The following TLDC2 variants were observed in gnomAD, a reference collection of about 807,000 sequenced individuals.
TLDC2 encodes the protein TLD domain-containing protein 2.
TLDC2 carries 23 observed loss-of-function variants against 27.9 expected under a neutral mutation model. That is an observed-to-expected ratio of 0.82 (90% CI 0.59 to 1.17). The LOEUF (loss-of-function observed/expected upper bound fraction) is 1.17. TLDC2 is among the 50% of genes most tolerant of loss of function. TLDC2 has a pLI of 0.00. For synonymous variants in TLDC2, 124 were observed against 107.4 expected, an observed-to-expected ratio of 1.16 and a Z score of -0.96; for missense variants, 286 against 273.4, an observed-to-expected ratio of 1.05 and a Z score of -0.32.
intron 1 of TLDC2, 54 bp from the exon 2 acceptor site, chr20:36,877,845 A>G (rs1989707309): frequency 6.4e-7 from 1 of 1,558,956 alleles, no homozygotes; most frequent in African/African-American, 1.4e-5. Context: ...AGGAGATGGT[A>G]GAAGCTGGGA....
intron 2 of TLDC2, among the ~76,000 whole-genome samples, chr20:36,878,585 GA>G (rs1158307720): frequency 1.3e-5 from 2 of 151,638 alleles, no homozygotes; most frequent in South Asian, 4.2e-4. Context: ...TGTCTCAAAA[GA>G]AAAAAAGGAA....
intron 6 of TLDC2, 28 bp downstream of exon 6, chr20:36,889,431 C>G (rs1990006263): frequency 6.3e-7 from 1 of 1,599,910 alleles, no homozygotes. Context: ...TGATGCCACC[C>G]AGGCCTTCCT....
intron 6 of TLDC2, chr20:36,890,504 C>T (rs993696548): frequency 6.6e-6 from 1 of 150,676 alleles, no homozygotes; most frequent in African/African-American, 2.4e-5. Flanking sequence ...CGCTCTTGAC[C>T]CCGAGGCTGG....
At position 36,877,817 on chromosome 20, in the gene TLDC2, G is replaced by A. The variant is rs543996443; in HGVS notation, c.34-82G>A. Reference sequence around the variant, plus strand: ...TGGGCAGGGAGTGATGAGGTGGCCCGAGGAGGCTCTTGGGCTCAGGAGATG... The same window carrying A: ...TGGGCAGGGAGTGATGAGGTGGCCCAAGGAGGCTCTTGGGCTCAGGAGATG... On this transcript the variant is annotated intron_variant, in intron 1 of 6. Transcript: ENST00000217320. 15 of 1,485,564 alleles carry A rather than the reference G, an allele frequency of 1.0e-5. No homozygotes were observed. In the East Asian group the frequency reaches 1.2e-4, roughly 12 times the overall value. 92.0% of individuals were successfully genotyped at this position (1,485,564 alleles called of 1,614,324 possible).
intron 3 of TLDC2, among the ~76,000 whole-genome samples, chr20:36,880,234 CA>C (rs1163131301): frequency 2.0e-5 from 3 of 151,360 alleles, no homozygotes; most frequent in Non-Finnish European, 4.4e-5. Context: ...GCTGGAATTA[CA>C]AGCACTTGCC....
Position 36,887,509 on chromosome 20 carries a change from C to T in TLDC2, c.493C>T (p.Leu165=). The change falls in exon 5 of 7, where the codon CTG becomes TTG. Residue 165 remains leucine (L), a synonymous_variant. Coordinates refer to ENST00000217320, the MANE Select transcript of TLDC2 (RefSeq NM_080628.3). ...SFFVKGDLDS[L]MMGSGSGRFG... ...CTTTGTGAAGGGAGACTTGGATTCACTGATGATGGGCAGTGGCAGGTGAGT... is the reference window on the plus strand; with the variant it reads ...CTTTGTGAAGGGAGACTTGGATTCATTGATGATGGGCAGTGGCAGGTGAGT... The T allele has an allele frequency of 6.2e-7, 1 of 1,614,188 alleles. No individual in the cohort carries two copies. The highest frequency in any genetic ancestry group is 1.3e-5 in the African/African-American group (1 of 75,054).
chr20:36,876,127 G>C (rs768307742), upstream of TLDC2: 1 of 1,613,476 alleles, frequency 6.2e-7, no homozygotes, highest in South Asian at 1.1e-5. Context: ...CCTGGGCAGG[G>C]CTGAGGATTC....
chr20:36,885,218 A>G (rs1989896724), intron 4 of TLDC2, among the ~76,000 whole-genome samples: 5 of 152,104 alleles, frequency 3.3e-5, no homozygotes, highest in Admixed American at 3.3e-4. Flanking sequence ...CTCCCACTAG[A>G]AAGTCAGTCC....
intron 3 of TLDC2, among the ~76,000 whole-genome samples, 191 bp downstream of exon 3, chr20:36,879,384 A>T (rs1485823865): frequency 6.6e-6 from 1 of 152,140 alleles, no homozygotes; most frequent in Non-Finnish European, 1.5e-5. Flanking sequence ...ACACATCTAC[A>T]TGGGGCGCCT....
At chr20:36,880,074 T>C (rs1195259629) in intron 3 of TLDC2, among the ~76,000 whole-genome samples, 6 of 36,616 alleles carry the variant, frequency 1.6e-4, no homozygotes, top group African/African-American at 3.0e-4. Context: ...TATATACATA[T>C]ATATATATAT....
chr20:36,877,245 G>A (rs1251343406), intron 1 of TLDC2, among the ~76,000 whole-genome samples: 1 of 152,002 alleles, frequency 6.6e-6, no homozygotes, highest in Non-Finnish European at 1.5e-5. Flanking sequence ...GCCAGGCATG[G>A]TGGTGGGCAC....
chr20:36,890,396 C>CTCTTTCTTTCTTTCTTTCTTTCTTT (rs1990036131), intron 6 of TLDC2: 1 of 142,450 alleles, frequency 7.0e-6, no homozygotes, highest in African/African-American at 2.6e-5. Flanking sequence ...ATATTTCTTT[C>CTCTTTCTTTCTTTCTTTCTTTCTTT]TCTTTCTTTC....
intron 5 of TLDC2, 89 bp downstream of exon 5, chr20:36,887,617 T>A (rs960131524): frequency 2.4e-6 from 3 of 1,271,942 alleles, no homozygotes; most frequent in Non-Finnish European, 3.4e-6. Flanking sequence ...CTGCCCTTGA[T>A]GCAATGGCGA....
intron 4 of TLDC2, among the ~76,000 whole-genome samples, chr20:36,881,102 C>G (rs1350387414): frequency 6.6e-6 from 1 of 152,122 alleles, no homozygotes; most frequent in Admixed American, 6.6e-5. Flanking sequence ...AGTATGGGGG[C>G]CAGGCACCGT....
intron 4 of TLDC2, among the ~76,000 whole-genome samples, chr20:36,885,033 C>T (rs572017559): frequency 1.2e-3 from 185 of 151,994 alleles, no homozygotes; most frequent in African/African-American, 4.3e-3. Context: ...CATGCCACCA[C>T]GCCCAGCTAA....
Position 36,883,801 on chromosome 20 carries a change from A to T in TLDC2, c.438+3051A>T, listed in dbSNP as rs527636674. 2.8e-4 allele frequency among the ~76,000 whole-genome samples: 43 copies of T among 152,288 alleles called. No individual in the cohort carries two copies. In the East Asian group the frequency reaches 8.3e-3, roughly 29 times the overall value. On this transcript the variant is annotated intron_variant, in intron 4 of 6. Coordinates refer to ENST00000217320, the MANE Select transcript of TLDC2 (RefSeq NM_080628.3). ...CAGTAGCTGGAGTGATCCTTTTAAA[A>T]GGGAAGCCAGGGCAGGGCTCAGTGG...
chr20:36,890,433 T>TTCCTTCCTTCCTTCCC (rs1307668246), intron 6 of TLDC2: 3 of 151,514 alleles, frequency 2.0e-5, no homozygotes, highest in Non-Finnish European at 2.9e-5. Flanking sequence ...CTTTCTCTCT[T>TTCCTTCCTTCCTTCCC]TCCTTCCTTC....
At chr20:36,882,545 T>TC (rs1209779758) in intron 4 of TLDC2, among the ~76,000 whole-genome samples, 1 of 151,806 alleles carries the variant, frequency 6.6e-6, no homozygotes, top group Non-Finnish European at 1.5e-5. Flanking sequence ...AATTTTTTTT[T>TC]AAATTGTTCA....
intron 6 of TLDC2, chr20:36,891,862 T>A (rs1422808749): frequency 6.6e-6 from 1 of 152,250 alleles, no homozygotes. Context: ...TAGTGTTTGC[T>A]CTTAAATACA....
Sources: allele counts gnomAD v4.1 joint callset (sites outside exome capture counted in the v4.1 genomes callset), GRCh38; gene constraint gnomAD v4.1.1; transcripts MANE v1.5; gene names NCBI Gene and HGNC (gene_info 2026-07-23, HGNC 2026-07-21).